Variants in IQCM observed in about 807,000 individuals in gnomAD.
IQCM encodes the protein IQ domain-containing protein M.
IQCM carries 45 observed loss-of-function variants against 57.6 expected under a neutral mutation model. The ratio of observed to expected loss-of-function variants is 0.78; its 90% CI spans 0.62 to 1.00. The LOEUF (loss-of-function observed/expected upper bound fraction) is 1.00. Among genes scored for constraint, IQCM ranks in the 50% least tolerant of loss-of-function variants. IQCM has a pLI of 0.00. For missense variants in IQCM, 468 were observed against 511.6 expected, an observed-to-expected ratio of 0.91 and a Z score of 0.82; for synonymous variants, 148 against 158.9, an observed-to-expected ratio of 0.93 and a Z score of 0.51.
chr4:149,567,926 A>C (rs1433077601), intron 9 of IQCM, among the ~76,000 whole-genome samples: 1 of 152,134 alleles, frequency 6.6e-6, no homozygotes. Flanking sequence ...CCAGCTCCGA[A>C]TTCAAAATTC....
chr4:149,422,097 G>A (rs1045524830), intron 13 of IQCM, among the ~76,000 whole-genome samples: 6 of 151,754 alleles, frequency 4.0e-5, no homozygotes, highest in African/African-American at 1.5e-4. Context: ...AGTCTTGGTG[G>A]GGGAAAAGTC....
At chr4:149,492,745 C>T (rs1742228833) in intron 12 of IQCM, among the ~76,000 whole-genome samples, 1 of 152,112 alleles carries the variant, frequency 6.6e-6, no homozygotes, top group Non-Finnish European at 1.5e-5. Context: ...ACAAGATCCC[C>T]TTAGCACAGA....
At chr4:149,703,196 T>C (rs1221024936) in intron 5 of IQCM, among the ~76,000 whole-genome samples, 1 of 151,912 alleles carries the variant, frequency 6.6e-6, no homozygotes, top group Non-Finnish European at 1.5e-5. Flanking sequence ...CCACAGATAA[T>C]TCATACAACT....
chr4:149,795,627 A>G (rs1490133747), intron 2 of IQCM, among the ~76,000 whole-genome samples: 3 of 152,024 alleles, frequency 2.0e-5, no homozygotes, highest in African/African-American at 7.2e-5. Flanking sequence ...CTCACCCTTA[A>G]CCCCAGGCTG....
chr4:149,417,711 A>C (rs1733843109), intron 13 of IQCM, among the ~76,000 whole-genome samples: 1 of 152,080 alleles, frequency 6.6e-6, no homozygotes. Context: ...TGCAGGAGAA[A>C]GACACACTTT....
chr4:149,754,693 G>T lies in IQCM; in HGVS notation c.-48-11954C>A, dbSNP rs534302493. Among the ~76,000 whole-genome samples, 14 of 152,174 alleles carry T rather than the reference G, an allele frequency of 9.2e-5. No individual in the cohort carries two copies. The East Asian group carries it at 9.7e-4, about 11-fold the overall frequency. ...ACTTCCTTCTCAGTCTCTTATGCTA[G>T]TTCCTCCTCATCTCACTGACCTCAG... is the stretch of plus-strand genomic sequence containing the variant. On this transcript the variant is annotated intron_variant, in intron 2 of 13. Coordinates refer to ENST00000636793, the MANE Select transcript of IQCM (RefSeq NM_001363507.2).
chr4:149,511,763 T>C (rs1553427), intron 12 of IQCM, among the ~76,000 whole-genome samples: 122,306 of 151,838 alleles, frequency 0.81, 49,739 homozygotes, highest in Non-Finnish European at 0.86. Flanking sequence ...TCCTTTGTAT[T>C]TCCAGAGGCT....
intron 8 of IQCM, among the ~76,000 whole-genome samples, chr4:149,589,652 T>A (rs1401843466): frequency 1.3e-5 from 2 of 151,994 alleles, no homozygotes; most frequent in South Asian, 4.1e-4. Flanking sequence ...TTGACCTTTC[T>A]TCGGGAACAC....
intron 7 of IQCM, among the ~76,000 whole-genome samples, chr4:149,647,387 A>G (rs1305554004): frequency 6.6e-6 from 1 of 151,920 alleles, no homozygotes; most frequent in Non-Finnish European, 1.5e-5. Flanking sequence ...CCTTCATGAA[A>G]GTTTGTTGGT....
At chr4:149,615,604 A>C (rs1755723276) in intron 8 of IQCM, among the ~76,000 whole-genome samples, 1 of 152,180 alleles carries the variant, frequency 6.6e-6, no homozygotes, top group Non-Finnish European at 1.5e-5. Flanking sequence ...AGAACTAAAA[A>C]CATATGAGGA....
At chr4:149,589,266 C>T (rs956696790) in intron 8 of IQCM, among the ~76,000 whole-genome samples, 12 of 151,904 alleles carry the variant, frequency 7.9e-5, no homozygotes, top group African/African-American at 2.7e-4. Flanking sequence ...CTCCCTCAGG[C>T]GCTCTAAGAA....
At chr4:149,735,240 T>C (rs894229756) in intron 4 of IQCM, 136 bp downstream of exon 4, 6 of 421,836 alleles carry the variant, frequency 1.4e-5, no homozygotes, top group Non-Finnish European at 2.4e-5. Flanking sequence ...CTAGTGAGCA[T>C]TTCATTTTTC....
chr4:149,780,806 G>C (rs1434621785), intron 2 of IQCM, among the ~76,000 whole-genome samples: 1 of 152,042 alleles, frequency 6.6e-6, no homozygotes, highest in African/African-American at 2.4e-5. Flanking sequence ...CATGGGGCTA[G>C]ATTAAAAAGA....
chr4:149,674,140 C>T (rs1228313882), intron 7 of IQCM, among the ~76,000 whole-genome samples: 1 of 152,022 alleles, frequency 6.6e-6, no homozygotes, highest in Non-Finnish European at 1.5e-5. Context: ...AACAAAAACA[C>T]ACTGATGATT....
At chr4:149,501,996 C>T (rs1168731955) in intron 12 of IQCM, among the ~76,000 whole-genome samples, 1 of 152,126 alleles carries the variant, frequency 6.6e-6, no homozygotes, top group African/African-American at 2.4e-5. Context: ...CTTTAGCTCC[C>T]TCTCGATTCA....
intron 5 of IQCM, among the ~76,000 whole-genome samples, chr4:149,700,159 T>C (rs948987314): frequency 6.6e-6 from 1 of 152,094 alleles, no homozygotes; most frequent in Non-Finnish European, 1.5e-5. Context: ...CCTGTCAAGA[T>C]AGACAGATAG....
intron 5 of IQCM, chr4:149,691,809 AAGTTC>A (rs541092134): frequency 2.0e-4 from 31 of 152,308 alleles, no homozygotes; most frequent in African/African-American, 6.7e-4. Context: ...GGATATGATG[AAGTTC>A]ACAAGTGAAG....
At chr4:149,805,531 C>T (rs1208761819) in intron 2 of IQCM, among the ~76,000 whole-genome samples, 1 of 152,008 alleles carries the variant, frequency 6.6e-6, no homozygotes, top group Admixed American at 6.6e-5. Flanking sequence ...CATGTAGCTG[C>T]AGAAGATATT....
At chr4:149,760,335 G>A (rs1425497927) in intron 2 of IQCM, among the ~76,000 whole-genome samples, 1 of 152,050 alleles carries the variant, frequency 6.6e-6, no homozygotes, top group Non-Finnish European at 1.5e-5. Context: ...TTCTTTCTAA[G>A]TAAAGCTGGC....
Sources: gnomAD v4.1 joint callset for allele counts (sites outside exome capture counted in the v4.1 genomes callset) on GRCh38, gnomAD v4.1.1 for gene constraint, MANE v1.5 for transcripts, NCBI Gene and HGNC (gene_info 2026-07-23, HGNC 2026-07-21) for gene names.